The following ANAPC1 variants were observed in gnomAD, a reference collection of about 807,000 sequenced individuals.
ANAPC1 encodes the protein anaphase-promoting complex subunit 1.
ANAPC1 carries 36 observed loss-of-function variants against 208.0 expected under a neutral mutation model. That is an observed-to-expected ratio of 0.17 (90% CI 0.13 to 0.23). ANAPC1 has a LOEUF of 0.23. Among genes scored for constraint, ANAPC1 ranks in the 10% least tolerant of loss-of-function variants. The pLI, the probability that ANAPC1 is intolerant of heterozygous loss-of-function variation, is 1.00. For synonymous variants in ANAPC1, 378 were observed against 695.2 expected (o/e 0.54, Z 7.18); for missense variants, 942 against 2,011.6 (o/e 0.47, Z 10.17).
Position 111,792,409 on chromosome 2 carries a change from G to A in ANAPC1, c.4665C>T (p.His1555=). Residue 1555 remains histidine (H), a synonymous_variant, in exon 38 of 48, where the codon CAC becomes CAT. Transcript: ENST00000341068. The stretch of plus-strand genomic sequence containing the variant: ...GTCCAAGGGCCATGTGGTGGGCTAA[G>A]TGAAAACCATAGTTCATTTCACCAC... ...KTGGEMNYGF[H]LAHHMALGLL... is the part of the protein sequence containing the mutation. 6.2e-7 allele frequency: 1 copy of A among 1,611,996 alleles called. No individual in the cohort carries two copies. The highest frequency in any genetic ancestry group is 2.2e-5 in the East Asian group (1 of 44,818).
In ANAPC1 at chr2:111,776,596, A is replaced by AAG. The variant is rs978574541; in HGVS notation, c.5584+261_5584+262dup. ...AAGGAAATGTGACCTGATGCTAGGG[A>AAG]AGAGAGAACAAGGTCCTGAGCACCA... On this transcript the variant is annotated intron_variant, in intron 46 of 47. Coordinates refer to ENST00000341068, the MANE Select transcript of ANAPC1 (RefSeq NM_022662.4). Among the ~76,000 whole-genome samples, 28 of 80,768 alleles carry AAG rather than the reference A, an allele frequency of 3.5e-4. 10 individuals carry two copies. The highest frequency in any genetic ancestry group is 1.3e-3 in the African/African-American group (28 of 21,950). The allele number at this position is 80,768 out of a possible 152,430, so 53.0% of individuals were successfully genotyped here. A position where few individuals can be genotyped will look rare whatever the true frequency, so the allele number is the denominator to read the frequency against.
intron 20 of ANAPC1, among the ~76,000 whole-genome samples, chr2:111,832,757 G>A (rs558311440): frequency 2.0e-5 from 3 of 151,764 alleles, no homozygotes; most frequent in East Asian, 1.9e-4. Context: ...GTTAAACCTC[G>A]TCTCTAATAA....
At position 111,772,381 on chromosome 2, in the gene ANAPC1, A is replaced by G. The variant is rs1429755061; in HGVS notation, c.5679T>C (p.Ser1893=). The stretch of plus-strand genomic sequence containing the variant: ...GTGGCAGGTGCTGTGGAGCTGGCAC[A>G]GAGTGGTAGACGAGGAAGCAGGCCA... ...SMLACFLVYH[S]VPAPQHLPPI... The change falls in exon 47 of 48, where the codon TCT becomes TCC. Residue 1893 remains serine, a synonymous_variant. Coordinates refer to ENST00000341068, the MANE Select transcript of ANAPC1 (RefSeq NM_022662.4). 4 of 1,609,396 alleles carry G rather than the reference A, an allele frequency of 2.5e-6. No individual in the cohort carries two copies. The East Asian group carries it at 6.7e-5, about 27-fold the overall frequency.
intron 1 of ANAPC1, among the ~76,000 whole-genome samples, chr2:111,881,085 C>T (rs980847684): frequency 1.3e-5 from 2 of 151,184 alleles, no homozygotes; most frequent in African/African-American, 4.9e-5. Context: ...TGAGATGCAA[C>T]AAGTACTTAT....
At chr2:111,855,236 G>A (rs537585182) in intron 13 of ANAPC1, among the ~76,000 whole-genome samples, 6 of 152,258 alleles carry the variant, frequency 3.9e-5, no homozygotes, top group African/African-American at 9.6e-5. Context: ...GGTACAGTTC[G>A]TGGTGCCCCA....
At chr2:111,865,495 G>A (rs1682353632) in intron 7 of ANAPC1, among the ~76,000 whole-genome samples, 1 of 151,988 alleles carries the variant, frequency 6.6e-6, no homozygotes, top group Non-Finnish European at 1.5e-5. Flanking sequence ...TATTTGACAG[G>A]AAATGTTTCC....
chr2:111,849,204 G>C (rs957467969), intron 14 of ANAPC1, among the ~76,000 whole-genome samples: 1 of 152,196 alleles, frequency 6.6e-6, no homozygotes, highest in Admixed American at 6.6e-5. Context: ...AAATCTTCCA[G>C]AGAAGTGGAA....
chr2:111,847,401 TAA>T (rs991128064), intron 15 of ANAPC1, among the ~76,000 whole-genome samples: 1 of 152,234 alleles, frequency 6.6e-6, no homozygotes, highest in Non-Finnish European at 1.5e-5. Context: ...CTTGTTTTAA[TAA>T]AAAGTGTCTA....
At chr2:111,800,444 G>A (rs1321528593) in intron 34 of ANAPC1, among the ~76,000 whole-genome samples, 1 of 134,084 alleles carries the variant, frequency 7.5e-6, no homozygotes, top group East Asian at 2.1e-4. Context: ...TTGTCACGAA[G>A]TAAAATAGCA....
intron 16 of ANAPC1, among the ~76,000 whole-genome samples, chr2:111,845,461 G>A (rs1383442436): frequency 6.6e-6 from 1 of 152,144 alleles, no homozygotes; most frequent in African/African-American, 2.4e-5. Context: ...ATGTCATAGT[G>A]GAATCCAAAA....
At chr2:111,844,512 T>C (rs1680943250) in intron 16 of ANAPC1, among the ~76,000 whole-genome samples, 1 of 150,100 alleles carries the variant, frequency 6.7e-6, no homozygotes, top group Non-Finnish European at 1.5e-5. Context: ...GAGGTTGCAG[T>C]GAGCCAAGAT....
At chr2:111,832,181 C>A (rs946721681) in intron 20 of ANAPC1, among the ~76,000 whole-genome samples, 1 of 151,244 alleles carries the variant, frequency 6.6e-6, no homozygotes, top group Non-Finnish European at 1.5e-5. Flanking sequence ...TAACCCCAGG[C>A]AATCCCAGGC....
intron 46 of ANAPC1, among the ~76,000 whole-genome samples, chr2:111,775,248 G>C (rs892629717): frequency 6.6e-6 from 1 of 152,194 alleles, no homozygotes; most frequent in African/African-American, 2.4e-5. Flanking sequence ...CCTGGCGACA[G>C]AGCGAGACTC....
Position 111,850,880 on chromosome 2 carries a change from C to T in ANAPC1, c.1546G>A (p.Ala516Thr). The T allele has an allele frequency of 1.9e-6, 3 of 1,605,124 alleles. No individual in the cohort carries two copies. The highest frequency in any genetic ancestry group is 1.1e-5 in the South Asian group (1 of 88,900). ...GTGTTGGACATCGTCAGAGAGGGAG[C>T]TGGCAGTCCAGGAATAAAAACCTTT... is the stretch of plus-strand genomic sequence containing the variant. ...VGKVFIPGLP[A>T]PSLTMSNTMP... The change falls in exon 14 of 48, where the codon GCT (alanine) becomes ACT (threonine). Residue 516 changes from alanine (A) to threonine (T), a missense_variant. Transcript: ENST00000341068.
chr2:111,789,731 T>C (rs1677771844), intron 38 of ANAPC1, among the ~76,000 whole-genome samples: 2 of 152,252 alleles, frequency 1.3e-5, no homozygotes, highest in African/African-American at 4.8e-5. Flanking sequence ...TTAAATGTTG[T>C]TACAGAGTAT....
intron 17 of ANAPC1, among the ~76,000 whole-genome samples, chr2:111,841,343 GTATAT>G (rs1680752504): frequency 6.6e-6 from 1 of 151,462 alleles, no homozygotes; most frequent in African/African-American, 2.4e-5. Flanking sequence ...AAAACATATA[GTATAT>G]TATATTTAAT....
At chr2:111,855,871 T>C (rs1435983142) in intron 13 of ANAPC1, among the ~76,000 whole-genome samples, 1 of 152,190 alleles carries the variant, frequency 6.6e-6, no homozygotes, top group African/African-American at 2.4e-5. Flanking sequence ...ATTCAAATTG[T>C]ATGTATTTAA....
rs1179428209 is a variant in ANAPC1 at position 111,821,284 on chromosome 2, T to C, written c.3161A>G (p.Tyr1054Cys). ...AHPVRVNVVQ[Y>C]PELSDHEFIE... ...GAACTCGTGGTCACTGAGCTCTGGGTACTGCACTACGTTGACACGGACAGG... is the reference window on the plus strand; with the variant it reads ...GAACTCGTGGTCACTGAGCTCTGGGCACTGCACTACGTTGACACGGACAGG... The change falls in exon 26 of 48, where the codon TAC (tyrosine) becomes TGC (cysteine). Residue 1054 changes from tyrosine to cysteine, a missense_variant. By Grantham distance (194) the Tyr-to-Cys change is radical. Coordinates refer to ENST00000341068, the MANE Select transcript of ANAPC1 (RefSeq NM_022662.4). 1.2e-6 allele frequency: 2 copies of C among 1,612,448 alleles called. No individual in the cohort carries two copies. The highest frequency in any genetic ancestry group is 1.1e-5 in the South Asian group (1 of 90,998).
chr2:111,769,682 T>TTC (rs1318483607), intron 47 of ANAPC1, among the ~76,000 whole-genome samples: 1 of 136,280 alleles, frequency 7.3e-6, no homozygotes, highest in East Asian at 2.0e-4. Flanking sequence ...TGGCTTTCTT[T>TTC]TTTTTTTTTT....
Sources: gnomAD v4.1 joint callset for allele counts (sites outside exome capture counted in the v4.1 genomes callset) on GRCh38, gnomAD v4.1.1 for gene constraint, MANE v1.5 for transcripts, NCBI Gene and HGNC (gene_info 2026-07-23, HGNC 2026-07-21) for gene names.